HLTF: variants seen among roughly 807,000 people sequenced by gnomAD.
The protein encoded by HLTF is DNA-dependent ATPase/E3 ubiquitin-protein ligase HLTF.
Under a neutral mutation model 129.4 loss-of-function variants are expected in HLTF, and 127 were observed. The ratio of observed to expected loss-of-function variants is 0.98; its 90% confidence interval spans 0.85 to 1.14. The LOEUF is 1.14. Among genes scored for constraint, HLTF ranks in the 50% most tolerant of loss-of-function variants. HLTF has a pLI of 0.00. For missense variants in HLTF, 1,139 were observed against 1,187.1 expected (o/e 0.96, Z 0.60); for synonymous variants, 332 against 388.8 (o/e 0.85, Z 1.72).
At chr3:149,040,369 G>C in intron 20 of HLTF, 1 of 454,698 alleles carries the variant, frequency 2.2e-6, no homozygotes, top group Non-Finnish European at 3.9e-6. Context: ...GGGAGCAAAA[G>C]TATGTGATCT....
At chr3:149,035,901 C>T (rs1260405234) in intron 23 of HLTF, among the ~76,000 whole-genome samples, 3 of 151,744 alleles carry the variant, frequency 2.0e-5, no homozygotes, top group African/African-American at 7.3e-5. Context: ...TTTGGGAGGC[C>T]GAGGCAGGCA....
rs1323736594 is a variant in HLTF at position 149,050,370 on chromosome 3, C to T, written c.1479G>A (p.Gln493=). 3 of 1,567,988 alleles carry T rather than the reference C, an allele frequency of 1.9e-6. No individual in the cohort carries two copies. In the South Asian group the frequency reaches 3.6e-5, roughly 19 times the overall value. The change falls in exon 15 of 25, where the codon CAG becomes CAA. Residue 493 remains glutamine, a synonymous_variant. Transcript: ENST00000310053. Reference sequence around the variant, plus strand: ...CATCTGATTTTATATGTTGTCCAAACTGGTCCTAAAGAAAAATTAGGAATA... The same window carrying T: ...CATCTGATTTTATATGTTGTCCAAATTGGTCCTAAAGAAAAATTAGGAATA... ...PLSVLSNWID[Q]FGQHIKSDVH...
At chr3:149,082,978 G>A (rs1028373245) in intron 2 of HLTF, among the ~76,000 whole-genome samples, 4 of 152,114 alleles carry the variant, frequency 2.6e-5, no homozygotes, top group African/African-American at 4.8e-5. Flanking sequence ...GTGGCTGGGC[G>A]CGGTGGCTCA....
chr3:149,030,321 G>A lies in HLTF; in HGVS notation c.*1899C>T, dbSNP rs1207052922. The stretch of plus-strand genomic sequence containing the variant: ...TTTATATATTTATCCTTCTTAGGAA[G>A]GACAAATTAAATTTTTTAAATTAAA... On this transcript the variant is annotated 3_prime_UTR_variant, in exon 25 of 25. Coordinates refer to ENST00000310053, the MANE Select transcript of HLTF (RefSeq NM_003071.4). 6.6e-6 allele frequency: 1 copy of A among 151,936 alleles called. No homozygotes were observed. The highest frequency in any genetic ancestry group is 1.5e-5 in the Non-Finnish European group (1 of 67,962). The allele number at this position is 151,936 out of a possible 1,614,324, so 9.4% of individuals were successfully genotyped here.
At chr3:149,068,162 G>GTT in intron 8 of HLTF, 78 bp downstream of exon 8, 1 of 616,914 alleles carries the variant, frequency 1.6e-6, no homozygotes, top group Non-Finnish European at 2.9e-6. Context: ...TTTCTTGGTA[G>GTT]TTTTTTTTAA....
At chr3:149,055,193 A>G (rs1717316808) in intron 14 of HLTF, 110 bp downstream of exon 14, 1 of 686,378 alleles carries the variant, frequency 1.5e-6, no homozygotes, top group Non-Finnish European at 2.4e-6. Context: ...TTAGATACGA[A>G]CTGATGACCA....
chr3:149,074,266 C>T lies in HLTF; in HGVS notation c.478G>A (p.Val160Ile), dbSNP rs1256623777. The T allele has an allele frequency of 6.2e-7, 1 of 1,613,516 alleles. No homozygotes were observed. Among genetic ancestry groups the T allele is most frequent in the East Asian group, 2.2e-5 (1 of 44,802 alleles). The change falls in exon 4 of 25, where the codon GTT becomes ATT. Residue 160 changes from valine to isoleucine, a missense_variant. Transcript: ENST00000310053. ...CCATGTTTCTTCAACTGATCTGAAA[C>T]CGCTTTTCTATTTTCTTCTTTTCCC... is the stretch of plus-strand genomic sequence containing the variant. ...FWGKEENRKA[V>I]SDQLKKHGFK...
chr3:149,053,798 C>G lies in HLTF; in HGVS notation c.1473+1505G>C, dbSNP rs1249412300. Among the ~76,000 whole-genome samples the G allele has an allele frequency of 4.6e-5, 7 of 152,132 alleles. 1 individual carries two copies. The highest frequency in any genetic ancestry group is 1.0e-4 in the Non-Finnish European group (7 of 68,038). On this transcript the variant is annotated intron_variant, in intron 14 of 24. Transcript: ENST00000310053. ...CTGATTACCCATTTTAAAAATACAT[C>G]TCTATACCCCAAGCCCTCAAATAAT...
chr3:149,054,608 G>A lies in HLTF; in HGVS notation c.1473+695C>T, dbSNP rs1044910194. Among the ~76,000 whole-genome samples, 28 of 151,968 alleles carry A rather than the reference G, an allele frequency of 1.8e-4. No individual in the cohort carries two copies. The Middle Eastern group carries it at 9.5e-3, about 52-fold the overall frequency. On this transcript the variant is annotated intron_variant, in intron 14 of 24. Coordinates refer to ENST00000310053, the MANE Select transcript of HLTF (RefSeq NM_003071.4). The stretch of plus-strand genomic sequence containing the variant: ...AGAAGTTTGAAGCTCAAACTAGGAA[G>A]AAAACATATCCAGGCTGCAAATAAA...
At chr3:149,065,730 T>C (rs1176676547) in intron 8 of HLTF, among the ~76,000 whole-genome samples, 2 of 152,160 alleles carry the variant, frequency 1.3e-5, no homozygotes, top group Non-Finnish European at 2.9e-5. Flanking sequence ...CTTGGGAGGC[T>C]GAGGCAGGAG....
At chr3:149,047,775 C>T (rs1334080061) in intron 17 of HLTF, among the ~76,000 whole-genome samples, 2 of 152,054 alleles carry the variant, frequency 1.3e-5, no homozygotes, top group Non-Finnish European at 2.9e-5. Flanking sequence ...TGGGGCTTAG[C>T]AACACACAAA....
At chr3:149,037,737 A>G (rs553331353) in intron 23 of HLTF, among the ~76,000 whole-genome samples, 9 of 152,192 alleles carry the variant, frequency 5.9e-5, no homozygotes, top group Non-Finnish European at 8.8e-5. Context: ...TTCAGGTAAC[A>G]AGTTACAACC....
intron 10 of HLTF, 35 bp from the exon 11 acceptor site, chr3:149,060,893 C>A: frequency 7.5e-7 from 1 of 1,339,502 alleles, no homozygotes; most frequent in Non-Finnish European, 1.1e-6. Context: ...ATTTTTGGAC[C>A]AACCCAAAGC....
intron 18 of HLTF, among the ~76,000 whole-genome samples, chr3:149,045,489 A>C (rs1415286234): frequency 6.6e-6 from 1 of 152,204 alleles, no homozygotes; most frequent in Non-Finnish European, 1.5e-5. Context: ...GCACTTAATA[A>C]ATTTTTGTTG....
At chr3:149,042,387 C>A in intron 18 of HLTF, 97 bp from the exon 19 acceptor site, 2 of 959,822 alleles carry the variant, frequency 2.1e-6, no homozygotes, top group East Asian at 2.6e-5. Flanking sequence ...CTTTTCTTCT[C>A]TAGAAATTAC....
chr3:149,048,158 G>A lies in HLTF; in HGVS notation c.1762C>T (p.Pro588Ser), dbSNP rs779674644. The stretch of plus-strand genomic sequence containing the variant: ...AAGTCCTTTAAAGAATTCTGGATTG[G>A]AGTACCTAGAAATAACAGGAAACTG... ...SERRWVLTGT[P>S]IQNSLKDLWS... is the part of the protein sequence containing the mutation. The change falls in exon 17 of 25, where the codon CCA (proline) becomes TCA (serine). Residue 588 changes from proline (P) to serine (S), a missense_variant. Pro to Ser is a moderately conservative substitution (Grantham distance 74, BLOSUM62 -1). Transcript: ENST00000310053. 16 of 1,603,864 alleles carry A rather than the reference G, an allele frequency of 1.0e-5. No homozygotes were observed. The highest frequency in any genetic ancestry group is 1.8e-4 in the Middle Eastern group (1 of 5,604).
chr3:149,040,364 C>T (rs566515916), intron 20 of HLTF: 28 of 459,048 alleles, frequency 6.1e-5, no homozygotes, highest in South Asian at 3.1e-4. Context: ...AAGGAGGGAG[C>T]AAAAGTATGT....
chr3:149,040,141 G>T lies in HLTF; in HGVS notation c.2392C>A (p.Pro798Thr). 2 of 1,606,604 alleles carry T rather than the reference G, an allele frequency of 1.2e-6. No individual in the cohort carries two copies. Among genetic ancestry groups the T allele is most frequent in the South Asian group, 1.1e-5 (1 of 90,094 alleles). Residue 798 changes from proline to threonine, a missense_variant, in exon 21 of 25, where the codon CCT (proline) becomes ACT (threonine). By Grantham distance (38) the Pro-to-Thr change is conservative. Coordinates refer to ENST00000310053, the MANE Select transcript of HLTF (RefSeq NM_003071.4). The stretch of plus-strand genomic sequence containing the variant: ...TCATGTATATCATTTCTGCATAAAG[G>T]GCATTTAGCATGTGGCTATATAAGA... ...IQNEQPHAKC[P>T]LCRNDIHEDN...
At chr3:149,071,466 CG>C (rs1718855345) in intron 6 of HLTF, 23 bp from the exon 7 acceptor site, 1 of 1,573,816 alleles carries the variant, frequency 6.4e-7, no homozygotes, top group Admixed American at 1.7e-5. Context: ...AGTCATAAAG[CG>C]AAATACATTA....
Sources: allele counts gnomAD v4.1 joint callset (sites outside exome capture counted in the v4.1 genomes callset), GRCh38; gene constraint gnomAD v4.1.1; transcripts MANE v1.5; gene names NCBI Gene and HGNC (gene_info 2026-07-23, HGNC 2026-07-21).